The following TMTC4 variants were observed in gnomAD, a reference collection of about 807,000 sequenced individuals.
The protein encoded by TMTC4 is transmembrane O-mannosyltransferase targeting cadherins 4, also known as protein O-mannosyl-transferase TMTC4.
A neutral mutation model predicts 86.0 loss-of-function variants in TMTC4; 65 were observed. That is an observed-to-expected ratio of 0.76 (90% CI 0.62 to 0.93). TMTC4 has a LOEUF of 0.93. Among genes scored for constraint, TMTC4 ranks in the 40% least tolerant of loss-of-function variants. TMTC4 has a pLI of 0.00. For synonymous variants in TMTC4, 379 were observed against 382.5 expected, an observed-to-expected ratio of 0.99 and a Z score of 0.11; for missense variants, 866 against 948.1, an observed-to-expected ratio of 0.91 and a Z score of 1.14.
intron 2 of TMTC4, 49 bp from the exon 3 acceptor site, chr13:100,668,843 C>T (rs755088572): frequency 8.2e-6 from 13 of 1,583,838 alleles, no homozygotes; most frequent in African/African-American, 1.3e-5. Context: ...CTGGTAGGAC[C>T]GTTTCTGCAG....
chr13:100,610,649 T>C (rs1239840088), intron 17 of TMTC4, among the ~76,000 whole-genome samples: 2 of 152,230 alleles, frequency 1.3e-5, no homozygotes. Flanking sequence ...GAGTATTTTC[T>C]ACTTTACTTG....
intron 7 of TMTC4, among the ~76,000 whole-genome samples, chr13:100,640,580 T>C (rs9557468): frequency 0.72 from 108,768 of 151,766 alleles, 39,949 homozygotes; most frequent in East Asian, 0.99. Context: ...TGGCCAGGCG[T>C]GACGGCTCAT....
intron 15 of TMTC4, among the ~76,000 whole-genome samples, chr13:100,617,185 G>A (rs1878642976): frequency 6.6e-6 from 1 of 152,004 alleles, no homozygotes; most frequent in South Asian, 2.1e-4. Context: ...GCGCAGTGGT[G>A]TGATGTGGTG....
chr13:100,634,980 TC>T, intron 11 of TMTC4, 43 bp downstream of exon 11: 1 of 1,609,520 alleles, frequency 6.2e-7, no homozygotes, highest in Non-Finnish European at 8.5e-7. Flanking sequence ...GTGAGATGCA[TC>T]CGGTCATTCT....
intron 4 of TMTC4, 25 bp from the exon 5 acceptor site, chr13:100,663,205 G>C: frequency 6.2e-7 from 1 of 1,609,466 alleles, no homozygotes; most frequent in Non-Finnish European, 8.5e-7. Flanking sequence ...GGTGTTCAGG[G>C]TACACGCGCA....
Position 100,674,745 on chromosome 13 carries a change from T to G in TMTC4, c.-209A>C. On this transcript the variant is annotated splice_region_variant and 5_prime_UTR_variant, in exon 1 of 19. Coordinates refer to ENST00000342624, the MANE Select transcript of TMTC4 (RefSeq NM_032813.5). ...TGCAGGGGCCGCCCCGCGCGTTACC[T>G]GCAAGGAGCCTGAGCCCCGGCCGCA... The G allele has an allele frequency of 1.0e-6, 1 of 983,340 alleles. No homozygotes were observed. Among genetic ancestry groups the G allele is most frequent in the Non-Finnish European group, 1.2e-6 (1 of 829,146 alleles). The allele number at this position is 983,340 out of a possible 1,614,324, so 60.9% of individuals were successfully genotyped here. A position where few individuals can be genotyped will look rare whatever the true frequency, so the allele number is the denominator to read the frequency against.
rs1408415335 is a variant in TMTC4, at chr13:100,674,729, C to A, written c.-208+15G>T. 3.1e-6 allele frequency: 3 copies of A among 983,400 alleles called. No homozygotes were observed. The highest frequency in any genetic ancestry group is 3.6e-6 in the Non-Finnish European group (3 of 829,160). 60.9% of individuals were successfully genotyped at this position (983,400 alleles called of 1,614,324 possible). The stretch of plus-strand genomic sequence containing the variant: ...GCGGCGCGCTCGGCCCTGCAGGGGC[C>A]GCCCCGCGCGTTACCTGCAAGGAGC... On this transcript the variant is annotated intron_variant, in intron 1 of 18. Transcript: ENST00000342624.
chr13:100,632,053 A>ACACACTCT (rs1296569630), intron 12 of TMTC4, among the ~76,000 whole-genome samples: 65 of 43,136 alleles, frequency 1.5e-3, no homozygotes, highest in Admixed American at 4.6e-3. Context: ...ACACACACAC[A>ACACACTCT]CTCTCTCTCT....
At position 100,630,019 on chromosome 13, in the gene TMTC4, C is replaced by CTG. The variant is rs377655969; in HGVS notation, c.1507-3871_1507-3870dup. On this transcript the variant is annotated intron_variant, in intron 12 of 18. Transcript: ENST00000342624. ...TTAACTGTGGTCTAAGCCACCCAATCTGTGTGTATGTGTGTGTGTGTGTGT... is the reference window on the plus strand; with the variant it reads ...TTAACTGTGGTCTAAGCCACCCAATCTGTGTGTGTATGTGTGTGTGTGTGTGT... Among the ~76,000 whole-genome samples, 305 of 146,772 alleles carry CTG rather than the reference C, an allele frequency of 2.1e-3. 1 individual carries two copies. Among genetic ancestry groups the CTG allele is most frequent in the African/African-American group, 7.1e-3 (276 of 38,612 alleles).
Position 100,658,296 on chromosome 13 carries a change from G to A in TMTC4, c.553-1828C>T, listed in dbSNP as rs564268878. Among the ~76,000 whole-genome samples the A allele has an allele frequency of 8.5e-5, 13 of 152,218 alleles. No individual in the cohort carries two copies. The South Asian group carries it at 1.7e-3, about 19-fold the overall frequency. On this transcript the variant is annotated intron_variant, in intron 5 of 18. Transcript: ENST00000342624. ...AGCAGAAAGGCAAAGGACAGAGGAC[G>A]CAGAAGCTCAGGTATCATCTCTGCA...
chr13:100,625,786 G>A lies in TMTC4; in HGVS notation c.1693C>T (p.Gln565Ter). Residue 565 changes from glutamine to a stop codon, truncating the protein, a stop_gained and splice_region_variant, in exon 14 of 19, where the codon CAG becomes TAG. Coordinates refer to ENST00000342624, the MANE Select transcript of TMTC4 (RefSeq NM_032813.5). LOFTEE classifies it high-confidence loss of function. Reference protein sequence around the residue: ...EELLSLAVQIQPDFAAAWMNL... With the variant: ...EELLSLAVQI ...CATAATTATAAAAACAATGCTTACT[G>A]TATTTGAACAGCCAAAGACAGCAGC... The A allele has an allele frequency of 1.2e-6, 2 of 1,613,162 alleles. No individual in the cohort carries two copies. Among genetic ancestry groups the A allele is most frequent in the African/African-American group, 1.3e-5 (1 of 74,974 alleles).
At chr13:100,618,451 CTTGTT>C (rs1231635872) in intron 15 of TMTC4, among the ~76,000 whole-genome samples, 3 of 82,438 alleles carry the variant, frequency 3.6e-5, no homozygotes, top group Non-Finnish European at 5.8e-5. Flanking sequence ...TTTGTTGCTT[CTTGTT>C]TTTTTTTTTT....
upstream of TMTC4, chr13:100,675,005 C>A (rs933671772): frequency 8.1e-6 from 8 of 985,458 alleles, no homozygotes; most frequent in East Asian, 2.3e-4. Flanking sequence ...TTGGCGGACG[C>A]GCCGGTGACG....
At chr13:100,642,417 A>G (rs2138913832) in intron 6 of TMTC4, 106 bp from the exon 7 acceptor site, 1 of 1,293,280 alleles carries the variant, frequency 7.7e-7, no homozygotes, top group Non-Finnish European at 1.1e-6. Flanking sequence ...ACCATAACTT[A>G]AAAACAGGGT....
At position 100,605,230 on chromosome 13, in the gene TMTC4, T is replaced by G; in HGVS notation, c.2135-88A>C. On this transcript the variant is annotated intron_variant, in intron 18 of 18. Transcript: ENST00000342624. This position sits in a 1 kb window ranked among gnomAD's most constrained non-coding sequence, Gnocchi z 4.3. ...CTCTTGGACAAAGAAATATTACAGATCCTATGCAAACAGTTTTCAAAAGTC... is the reference window on the plus strand; with the variant it reads ...CTCTTGGACAAAGAAATATTACAGAGCCTATGCAAACAGTTTTCAAAAGTC... 2 of 1,443,130 alleles carry G rather than the reference T, an allele frequency of 1.4e-6. No individual in the cohort carries two copies. Among genetic ancestry groups the G allele is most frequent in the Non-Finnish European group, 1.9e-6 (2 of 1,072,330 alleles). 89.4% of individuals were successfully genotyped at this position (1,443,130 alleles called of 1,614,324 possible).
chr13:100,621,793 G>T (rs753996981), intron 15 of TMTC4, among the ~76,000 whole-genome samples: 46 of 152,166 alleles, frequency 3.0e-4, no homozygotes, highest in Admixed American at 5.2e-4. Context: ...CAGATACAGT[G>T]AACAGAAACG....
chr13:100,651,387 GTTT>G (rs1211226042), intron 6 of TMTC4, among the ~76,000 whole-genome samples: 2 of 148,212 alleles, frequency 1.3e-5, no homozygotes, highest in African/African-American at 5.0e-5. Context: ...TCTCACTAGT[GTTT>G]TTTGTTTGTT....
At chr13:100,636,991 C>CTATG (rs1448586800) in intron 9 of TMTC4, among the ~76,000 whole-genome samples, 2 of 152,134 alleles carry the variant, frequency 1.3e-5, no homozygotes, top group Admixed American at 1.3e-4. Context: ...TCTGGCAAAG[C>CTATG]TATGATCTAT....
chr13:100,625,856 A>T lies in TMTC4; in HGVS notation c.1623T>A (p.Leu541=). ...NPKYVHAMNN[L]GNILKERNEL... ...CATTCCTTTCTTTTAAGATATTTCC[A>T]AGATTATTCATGGCATGAACATACT... Residue 541 remains leucine, a synonymous_variant, in exon 14 of 19, where the codon CTT becomes CTA. Transcript: ENST00000342624. 2 of 1,613,834 alleles carry T rather than the reference A, an allele frequency of 1.2e-6. No homozygotes were observed. Among genetic ancestry groups the T allele is most frequent in the South Asian group, 2.2e-5 (2 of 91,022 alleles).
Sources: allele counts gnomAD v4.1 joint callset (sites outside exome capture counted in the v4.1 genomes callset), GRCh38; gene constraint gnomAD v4.1.1; non-coding constraint Gnocchi (gnomAD v3.1); transcripts MANE v1.5; gene names NCBI Gene and HGNC (gene_info 2026-07-23, HGNC 2026-07-21).